Variants in RBMS3 observed in about 807,000 individuals in gnomAD.
RBMS3 encodes the protein RNA binding motif single stranded interacting protein 3.
Under a neutral mutation model 66.8 loss-of-function variants are expected in RBMS3, and 27 were observed. The observed-to-expected ratio is 0.40, with a 90% CI of 0.30 to 0.56. The LOEUF (loss-of-function observed/expected upper bound fraction) is 0.56. RBMS3 is among the 20% of genes least tolerant of loss of function. The probability of loss-of-function intolerance (pLI) is 0.40; values close to 1 mark genes in which losing one functional copy is unlikely to be tolerated. For synonymous variants in RBMS3, 188 were observed against 183.0 expected, an observed-to-expected ratio of 1.03 and a Z score of -0.22; for missense variants, 513 against 549.5, an observed-to-expected ratio of 0.93 and a Z score of 0.66.
At chr3:29,539,614 G>A (rs528446167) in intron 3 of RBMS3, among the ~76,000 whole-genome samples, 6 of 152,164 alleles carry the variant, frequency 3.9e-5, no homozygotes, top group Admixed American at 2.6e-4. Context: ...AAGTACCCGA[G>A]TTTTTAATAC....
chr3:29,744,476 C>T (rs1344415319), intron 5 of RBMS3, among the ~76,000 whole-genome samples: 2 of 152,102 alleles, frequency 1.3e-5, no homozygotes, highest in Non-Finnish European at 2.9e-5. Flanking sequence ...TTTACAGTTC[C>T]ACAGGCATTA....
intron 1 of RBMS3, among the ~76,000 whole-genome samples, chr3:29,431,274 A>AATGTTTCTTTC (rs1356155548): frequency 1.4e-5 from 2 of 139,204 alleles, no homozygotes; most frequent in African/African-American, 5.1e-5. Flanking sequence ...AGTTGAGAAA[A>AATGTTTCTTTC]ATGTTTCTTT....
chr3:29,749,664 T>G (rs1477111656), intron 5 of RBMS3, among the ~76,000 whole-genome samples: 1 of 152,198 alleles, frequency 6.6e-6, no homozygotes, highest in Non-Finnish European at 1.5e-5. Context: ...AAAGTGATAT[T>G]CTTTACTTAT....
intron 1 of RBMS3, among the ~76,000 whole-genome samples, chr3:29,311,440 G>T (rs932833229): frequency 2.0e-5 from 3 of 151,686 alleles, no homozygotes; most frequent in African/African-American, 7.3e-5. Flanking sequence ...CTGCCAGATT[G>T]GTTGAAGAAT....
At chr3:29,711,995 T>C (rs368826181) in intron 4 of RBMS3, among the ~76,000 whole-genome samples, 109 of 152,320 alleles carry the variant, frequency 7.2e-4, no homozygotes, top group African/African-American at 2.5e-3. Context: ...GTGATCACTT[T>C]GCTGCTCCTT....
At chr3:29,881,086 T>C (rs1369168326) in intron 7 of RBMS3, among the ~76,000 whole-genome samples, 1 of 152,058 alleles carries the variant, frequency 6.6e-6, no homozygotes, top group East Asian at 1.9e-4. Context: ...TTTCCCACTC[T>C]CCCCTTTACA....
chr3:29,741,609 A>G (rs1451808616), intron 5 of RBMS3, among the ~76,000 whole-genome samples: 1 of 152,198 alleles, frequency 6.6e-6, no homozygotes, highest in Non-Finnish European at 1.5e-5. Flanking sequence ...AAGAGCACAT[A>G]TTTCCAAGAA....
chr3:29,956,069 A>G (rs1696023086), intron 12 of RBMS3, among the ~76,000 whole-genome samples: 1 of 152,090 alleles, frequency 6.6e-6, no homozygotes, highest in Non-Finnish European at 1.5e-5. Flanking sequence ...CAAATACTAC[A>G]AGAATTGAGA....
intron 4 of RBMS3, chr3:29,731,081 T>C (rs2054111644): frequency 2.2e-5 from 20 of 929,656 alleles, no homozygotes; most frequent in Non-Finnish European, 2.6e-5. Flanking sequence ...AATTGAAGGC[T>C]CCTCAATTGA....
intron 1 of RBMS3, among the ~76,000 whole-genome samples, chr3:29,282,764 G>T (rs185602744): frequency 6.6e-6 from 1 of 152,118 alleles, no homozygotes; most frequent in African/African-American, 2.4e-5. Context: ...TGAACAAGGC[G>T]TGCCTGAATG....
At position 29,308,910 on chromosome 3, in the gene RBMS3, T is replaced by C. The variant is rs145789181; in HGVS notation, c.75+27154T>C. Among the ~76,000 whole-genome samples the C allele has an allele frequency of 2.0e-3, 305 of 151,846 alleles. 9 individuals are homozygous for C. The East Asian group carries it at 0.029, about 14-fold the overall frequency. ...TGGAAGATGATGAGCTCTAATCTTT[T>C]TTTTAAGTGCAGGTGATATTATCTA... On this transcript the variant is annotated intron_variant, in intron 1 of 14. Coordinates refer to ENST00000383767, the MANE Select transcript of RBMS3 (RefSeq NM_001003793.3).
chr3:29,847,039 C>G (rs1434595710), intron 6 of RBMS3, among the ~76,000 whole-genome samples: 4 of 152,088 alleles, frequency 2.6e-5, no homozygotes, highest in Non-Finnish European at 4.4e-5. Context: ...TCGCATGATA[C>G]ACGATAACAA....
chr3:29,807,121 C>A (rs116209817), intron 6 of RBMS3, among the ~76,000 whole-genome samples: 3 of 151,864 alleles, frequency 2.0e-5, no homozygotes, highest in Non-Finnish European at 4.4e-5. Context: ...CATGACGGGG[C>A]TGTAACAGGT....
At chr3:29,553,883 G>A (rs2046260618) in intron 3 of RBMS3, among the ~76,000 whole-genome samples, 1 of 149,118 alleles carries the variant, frequency 6.7e-6, no homozygotes, top group Non-Finnish European at 1.5e-5. Context: ...GAATTTTAAT[G>A]TTTTAGCTTG....
chr3:29,869,319 G>A (rs2059434319), intron 7 of RBMS3, among the ~76,000 whole-genome samples: 1 of 152,086 alleles, frequency 6.6e-6, no homozygotes, highest in South Asian at 2.1e-4. Context: ...GAAATCAATA[G>A]GGAAAGTTGA....
chr3:29,815,242 G>A (rs1559700310), intron 6 of RBMS3, among the ~76,000 whole-genome samples: 2 of 152,060 alleles, frequency 1.3e-5, no homozygotes, highest in Non-Finnish European at 1.5e-5. Context: ...TACATTTCTA[G>A]GTTTCTTATC....
intron 4 of RBMS3, among the ~76,000 whole-genome samples, chr3:29,654,365 T>A (rs2050247222): frequency 6.6e-6 from 1 of 152,136 alleles, no homozygotes; most frequent in Non-Finnish European, 1.5e-5. Flanking sequence ...TGAACACATG[T>A]TATCATGTAG....
At chr3:29,806,027 T>C (rs143041715) in intron 6 of RBMS3, among the ~76,000 whole-genome samples, 62 of 152,160 alleles carry the variant, frequency 4.1e-4, no homozygotes, top group African/African-American at 1.4e-3. Context: ...TGTACTGTTT[T>C]GTGTTTTCCA....
At position 29,625,737 on chromosome 3, in the gene RBMS3, TAA is replaced by T. The variant is rs1553633451; in HGVS notation, c.399+38536_399+38537del. Reference sequence around the variant, plus strand: ...ATAAATAAATAAATAAATAAATAAATAAAAATAATCTTTTCTTGGTGAAGCTT... The same window carrying T: ...ATAAATAAATAAATAAATAAATAAATAAATAATCTTTTCTTGGTGAAGCTT... On this transcript the variant is annotated intron_variant, in intron 4 of 14. Coordinates refer to ENST00000383767, the MANE Select transcript of RBMS3 (RefSeq NM_001003793.3). Among the ~76,000 whole-genome samples the T allele has an allele frequency of 1.8e-3, 268 of 151,252 alleles. 2 individuals carry two copies. The highest frequency in any genetic ancestry group is 5.2e-3 in the African/African-American group (214 of 41,232).
Sources: allele counts gnomAD v4.1 joint callset (sites outside exome capture counted in the v4.1 genomes callset), GRCh38; gene constraint gnomAD v4.1.1; transcripts MANE v1.5; gene names NCBI Gene and HGNC (gene_info 2026-07-23, HGNC 2026-07-21).